IMMP2L: variants seen among roughly 807,000 people sequenced by gnomAD.
The protein encoded by IMMP2L is mitochondrial inner membrane protease subunit 2.
A neutral mutation model predicts 19.3 loss-of-function variants in IMMP2L; 18 were observed. The ratio of observed to expected loss-of-function variants is 0.93; its 90% CI spans 0.64 to 1.38. IMMP2L has a LOEUF of 1.38. IMMP2L is among the 40% of genes most tolerant of loss of function. The pLI is 0.00. For missense variants in IMMP2L, 233 were observed against 218.2 expected (o/e 1.07, Z -0.43); for synonymous variants, 76 against 73.0 (o/e 1.04, Z -0.21).
rs1203219913 is a variant in IMMP2L, at chr7:111,123,818, TG to T, written c.240-160254del. On this transcript the variant is annotated intron_variant, in intron 3 of 5. Coordinates refer to ENST00000405709, the MANE Select transcript of IMMP2L (RefSeq NM_032549.4). This position sits in a 1 kb window ranked among gnomAD's most constrained non-coding sequence, Gnocchi z 6.4. ...CTGAACAGCAATGCTCTCAGTGCCC[TG>T]TACCATGGTACCATTGAGTCTCTGC... 1 of 1,613,916 alleles carries T rather than the reference TG, an allele frequency of 6.2e-7. No homozygotes were observed. Among genetic ancestry groups the T allele is most frequent in the Non-Finnish European group, 8.5e-7 (1 of 1,179,970 alleles).
intron 5 of IMMP2L, among the ~76,000 whole-genome samples, chr7:110,774,711 G>A (rs1399516520): frequency 6.6e-6 from 1 of 151,920 alleles, no homozygotes; most frequent in Non-Finnish European, 1.5e-5. Context: ...TGCTATACAG[G>A]TTTGTGGCCT....
At chr7:111,124,653 A>C in intron 3 of IMMP2L, 1 of 1,613,980 alleles carries the variant, frequency 6.2e-7, no homozygotes, top group Non-Finnish European at 8.5e-7. Flanking sequence ...ATAATACCAC[A>C]ACACTTATGG....
chr7:111,494,626 ATTAT>A (rs1377717455), intron 2 of IMMP2L, among the ~76,000 whole-genome samples: 1 of 152,132 alleles, frequency 6.6e-6, no homozygotes, highest in Non-Finnish European at 1.5e-5. Flanking sequence ...CTTTAAACAG[ATTAT>A]TTAACCTGTC....
intron 3 of IMMP2L, among the ~76,000 whole-genome samples, chr7:111,000,951 G>C (rs757308790): frequency 3.9e-5 from 6 of 152,030 alleles, no homozygotes; most frequent in Non-Finnish European, 5.9e-5. Context: ...GTACCAGAAT[G>C]ATAATAAAAG....
intron 3 of IMMP2L, among the ~76,000 whole-genome samples, chr7:111,475,624 G>T (rs944680030): frequency 6.6e-6 from 1 of 151,964 alleles, no homozygotes; most frequent in African/African-American, 2.4e-5. Context: ...GAGATATGGA[G>T]ATAACCAGAA....
At chr7:110,704,360 A>G (rs1794499788) in intron 5 of IMMP2L, among the ~76,000 whole-genome samples, 1 of 152,190 alleles carries the variant, frequency 6.6e-6, no homozygotes, top group East Asian at 1.9e-4. Context: ...AACATTTCCA[A>G]ATTTCTCTTA....
chr7:110,760,617 G>C lies in IMMP2L; in HGVS notation c.409-96896C>G, dbSNP rs1200858825. On this transcript the variant is annotated intron_variant, in intron 5 of 5. Transcript: ENST00000405709. This position sits in a 1 kb window ranked among gnomAD's most constrained non-coding sequence, Gnocchi z 4.2. ...GAAGATACCAATCCATATTGAAAGG[G>C]AGCAACGTGTTGGTTACGTTTTCCT... Among the ~76,000 whole-genome samples the C allele has an allele frequency of 6.6e-6, 1 of 152,110 alleles. No individual in the cohort carries two copies. The highest frequency in any genetic ancestry group is 1.5e-5 in the Non-Finnish European group (1 of 68,022).
chr7:110,878,046 A>T (rs1809253885), intron 5 of IMMP2L, among the ~76,000 whole-genome samples: 1 of 152,122 alleles, frequency 6.6e-6, no homozygotes, highest in Admixed American at 6.6e-5. Context: ...ATGACCTGAC[A>T]AGCTTTCTCA....
At chr7:111,234,328 G>T (rs948082455) in intron 3 of IMMP2L, among the ~76,000 whole-genome samples, 11 of 152,032 alleles carry the variant, frequency 7.2e-5, no homozygotes, top group African/African-American at 2.2e-4. Context: ...TCATAGGGTT[G>T]TTCAGGTCTT....
intron 3 of IMMP2L, among the ~76,000 whole-genome samples, chr7:111,166,933 T>G (rs1004810434): frequency 6.6e-6 from 1 of 151,988 alleles, no homozygotes; most frequent in Non-Finnish European, 1.5e-5. Flanking sequence ...CTTGAGGTCC[T>G]TTAAATTGCA....
intron 3 of IMMP2L, among the ~76,000 whole-genome samples, chr7:111,471,108 T>G (rs1410187923): frequency 6.6e-6 from 1 of 151,742 alleles, no homozygotes; most frequent in African/African-American, 2.4e-5. Context: ...TTCCAAAGAG[T>G]TTTTGTAGAA....
At chr7:110,863,260 G>C (rs1045004335) in intron 5 of IMMP2L, among the ~76,000 whole-genome samples, 1 of 152,094 alleles carries the variant, frequency 6.6e-6, no homozygotes, top group Non-Finnish European at 1.5e-5. Context: ...TGTTGGTCAT[G>C]GGTCACGGGG....
chr7:110,669,108 T>C (rs34360094), intron 5 of IMMP2L, among the ~76,000 whole-genome samples: 1 of 142,014 alleles, frequency 7.0e-6, no homozygotes, highest in East Asian at 2.1e-4. Flanking sequence ...TATATATATA[T>C]AGAGAGAGAG....
intron 4 of IMMP2L, among the ~76,000 whole-genome samples, chr7:110,948,162 A>C: frequency 6.6e-6 from 1 of 152,252 alleles, no homozygotes; most frequent in South Asian, 2.1e-4. Context: ...TACTTTGCAG[A>C]AGAAAACTAG....
At chr7:110,729,727 C>T (rs1415463131) in intron 5 of IMMP2L, among the ~76,000 whole-genome samples, 1 of 152,160 alleles carries the variant, frequency 6.6e-6, no homozygotes, top group African/African-American at 2.4e-5. Flanking sequence ...CACATGGACA[C>T]ATGGGTGGGG....
chr7:111,123,118 C>T lies in IMMP2L; in HGVS notation c.240-159553G>A. On this transcript the variant is annotated intron_variant, in intron 3 of 5. Transcript: ENST00000405709. The surrounding 1 kb of genome is among the most constrained non-coding windows in gnomAD (Gnocchi z 6.4). ...CACCAATATTAATGTAAAAAAGATG[C>T]CTCAGCTCCTTTCTGTGTACCTAGA... 3 of 1,613,654 alleles carry T rather than the reference C, an allele frequency of 1.9e-6. No individual in the cohort carries two copies. Among genetic ancestry groups the T allele is most frequent in the South Asian group, 1.1e-5 (1 of 91,064 alleles).
chr7:111,165,539 GCTATTTTA>G (rs1397236303), intron 3 of IMMP2L, among the ~76,000 whole-genome samples: 13 of 151,784 alleles, frequency 8.6e-5, no homozygotes, highest in African/African-American at 2.9e-4. Context: ...ATGCATTTAA[GCTATTTTA>G]CTATTTTAAC....
At chr7:111,240,508 C>T (rs969358663) in intron 3 of IMMP2L, among the ~76,000 whole-genome samples, 8 of 151,912 alleles carry the variant, frequency 5.3e-5, no homozygotes, top group Non-Finnish European at 1.2e-4. Context: ...CAAACCCCTT[C>T]GGTGTGAGAT....
intron 5 of IMMP2L, among the ~76,000 whole-genome samples, chr7:110,673,304 T>C (rs1792051608): frequency 6.6e-6 from 1 of 152,194 alleles, no homozygotes; most frequent in African/African-American, 2.4e-5. Context: ...CACCATGTCC[T>C]GAGGCTGCTT....
Sources: allele counts gnomAD v4.1 joint callset (sites outside exome capture counted in the v4.1 genomes callset), GRCh38; gene constraint gnomAD v4.1.1; non-coding constraint Gnocchi (gnomAD v3.1); transcripts MANE v1.5; gene names NCBI Gene and HGNC (gene_info 2026-07-23, HGNC 2026-07-21).